RAB3IL1: variants seen among roughly 807,000 people sequenced by gnomAD.
RAB3IL1 encodes guanine nucleotide exchange factor for Rab-3A.
Under a neutral mutation model 49.2 loss-of-function variants are expected in RAB3IL1, and 37 were observed. That is an observed-to-expected ratio of 0.75 (90% confidence interval 0.58 to 0.99). The LOEUF (loss-of-function observed/expected upper bound fraction) is 0.99. Among genes scored for constraint, RAB3IL1 ranks in the 50% least tolerant of loss-of-function variants. The pLI is 0.00. For synonymous variants in RAB3IL1, 193 were observed against 213.9 expected (o/e 0.90, Z 0.85); for missense variants, 484 against 513.0 (o/e 0.94, Z 0.55).
At chr11:61,929,551 T>C in the RAB3IL1 span, among the ~76,000 whole-genome samples, 1 of 151,234 alleles carries the variant, frequency 6.6e-6, no homozygotes, top group Non-Finnish European at 1.5e-5. Context: ...GATCTGAACA[T>C]GAATAAACAA....
chr11:61,936,028 T>C, the RAB3IL1 span, among the ~76,000 whole-genome samples: 1 of 149,698 alleles, frequency 6.7e-6, no homozygotes, highest in Non-Finnish European at 1.5e-5. Context: ...GAAATAAAAA[T>C]TCGCTAGAGG....
intron 9 of RAB3IL1, chr11:61,899,066 A>G: frequency 1.8e-6 from 1 of 570,404 alleles, no homozygotes. Context: ...AGAGATTCAC[A>G]GGGGTGGCCC....
the RAB3IL1 span, among the ~76,000 whole-genome samples, chr11:61,944,220 C>T: frequency 0.094 from 3,442 of 36,588 alleles, 142 homozygotes; most frequent in African/African-American, 0.16. Flanking sequence ...CCTTCCTTCC[C>T]TCCTTCCTTC....
upstream of RAB3IL1, among the ~76,000 whole-genome samples, chr11:61,921,870 C>T (rs137930046): frequency 1.4e-4 from 21 of 152,274 alleles, no homozygotes; most frequent in East Asian, 3.5e-3. Flanking sequence ...AAGTTCTCCC[C>T]TGTGAAATAG....
chr11:61,931,181 T>C, the RAB3IL1 span, among the ~76,000 whole-genome samples: 10 of 152,214 alleles, frequency 6.6e-5, no homozygotes, highest in African/African-American at 2.4e-4. Flanking sequence ...CAACTGCCCC[T>C]TTCTTAGTCT....
upstream of RAB3IL1, among the ~76,000 whole-genome samples, chr11:61,917,875 A>G (rs1487320671): frequency 6.6e-6 from 1 of 151,804 alleles, no homozygotes; most frequent in South Asian, 2.1e-4. Context: ...TTGTCACTTA[A>G]GGCCAGCAGA....
rs1939166778 is a variant in RAB3IL1 at position 61,906,069 on chromosome 11, G to GT, written c.657+396dup. On this transcript the variant is annotated intron_variant, in intron 5 of 9. Transcript: ENST00000394836. The surrounding 1 kb of genome is among the most constrained non-coding windows in gnomAD (Gnocchi z 4.6). Reference sequence around the variant, plus strand: ...CCAGGTGGTCCTGGGGCTCGAGGCTGTGGCCACACGGGGTCCAGGCAGCCT... The same window carrying GT: ...CCAGGTGGTCCTGGGGCTCGAGGCTGTTGGCCACACGGGGTCCAGGCAGCCT... 6.6e-6 allele frequency among the ~76,000 whole-genome samples: 1 copy of GT among 152,116 alleles called. No homozygotes were observed. Among genetic ancestry groups the GT allele is most frequent in the African/African-American group, 2.4e-5 (1 of 41,416 alleles).
At chr11:61,901,566 T>C (rs906226526) in intron 8 of RAB3IL1, among the ~76,000 whole-genome samples, 5 of 152,242 alleles carry the variant, frequency 3.3e-5, no homozygotes, top group Non-Finnish European at 7.3e-5. Flanking sequence ...TCCCATGACA[T>C]TTCATACATA....
At position 61,906,393 on chromosome 11, in the gene RAB3IL1, A is replaced by G; in HGVS notation, c.657+73T>C. On this transcript the variant is annotated intron_variant, in intron 5 of 9. Coordinates refer to ENST00000394836, the MANE Select transcript of RAB3IL1 (RefSeq NM_013401.4). This position sits in a 1 kb window ranked among gnomAD's most constrained non-coding sequence, Gnocchi z 4.6. Reference sequence around the variant, plus strand: ...CACAGCATGGGGCAGGCTGGTCCTCACTGGGCTCGGACCCTGCCTACCGCA... The same window carrying G: ...CACAGCATGGGGCAGGCTGGTCCTCGCTGGGCTCGGACCCTGCCTACCGCA... The G allele has an allele frequency of 7.3e-7, 1 of 1,366,076 alleles. No individual in the cohort carries two copies. Among genetic ancestry groups the G allele is most frequent in the South Asian group, 1.3e-5 (1 of 79,946 alleles). The allele number at this position is 1,366,076 out of a possible 1,614,324, so 84.6% of individuals were successfully genotyped here.
At chr11:61,941,482 G>A in the RAB3IL1 span, among the ~76,000 whole-genome samples, 1 of 152,228 alleles carries the variant, frequency 6.6e-6, no homozygotes, top group African/African-American at 2.4e-5. Flanking sequence ...GCTGGGCGTG[G>A]TGGCTCACGC....
the RAB3IL1 span, among the ~76,000 whole-genome samples, chr11:61,927,134 G>A: frequency 1.3e-5 from 2 of 152,154 alleles, no homozygotes; most frequent in African/African-American, 2.4e-5. Context: ...ATGAGCCAAC[G>A]CACCCAGCCA....
rs762845154 is a variant in RAB3IL1, at chr11:61,904,670, C to A, written c.787-12G>T. The A allele has an allele frequency of 1.7e-5, 27 of 1,606,120 alleles. No individual in the cohort carries two copies. In the South Asian group the frequency reaches 3.0e-4, roughly 18 times the overall value. The stretch of plus-strand genomic sequence containing the variant: ...ACCAGCACCGAGAGCTGTGGCAGAC[C>A]AGGGAGGCAGGCAGGGTGGTAAGGG... On this transcript the variant is annotated splice_polypyrimidine_tract_variant and intron_variant, in intron 6 of 9. Coordinates refer to ENST00000394836, the MANE Select transcript of RAB3IL1 (RefSeq NM_013401.4).
At chr11:61,904,912 C>T (rs368850397) in intron 5 of RAB3IL1, 30 bp from the exon 6 acceptor site, 18 of 1,525,896 alleles carry the variant, frequency 1.2e-5, no homozygotes, top group East Asian at 1.1e-4. Context: ...AGGGTGGGGG[C>T]GGTCAGGGTA....
intron 1 of RAB3IL1, 96 bp downstream of exon 1, chr11:61,917,261 C>A: frequency 7.6e-7 from 1 of 1,319,762 alleles, no homozygotes; most frequent in Non-Finnish European, 9.7e-7. Flanking sequence ...CTCCGGGTGG[C>A]GGCGCAGACC....
the RAB3IL1 span, among the ~76,000 whole-genome samples, chr11:61,926,156 G>A: frequency 1.4e-5 from 2 of 139,466 alleles, no homozygotes; most frequent in South Asian, 2.3e-4. Context: ...ATAACTTGGC[G>A]AAAATATTCC....
chr11:61,928,835 C>T, the RAB3IL1 span, among the ~76,000 whole-genome samples: 1 of 152,148 alleles, frequency 6.6e-6, no homozygotes, highest in African/African-American at 2.4e-5. Flanking sequence ...TCAGAGATCA[C>T]CAGCACATAA....
intron 8 of RAB3IL1, among the ~76,000 whole-genome samples, chr11:61,900,770 AC>A (rs1467790305): frequency 6.6e-6 from 1 of 152,072 alleles, no homozygotes; most frequent in Non-Finnish European, 1.5e-5. Flanking sequence ...CTCATCTCCC[AC>A]CCCCAGCTTC....
rs771845137 is a variant in RAB3IL1 at position 61,907,377 on chromosome 11, C to G, written c.438+16G>C. ...GGGTGCCTGGGCTGGCCTGGGCAGG[C>G]GGGGATGGGCCTCACCTTGCCCCGA... On this transcript the variant is annotated intron_variant, in intron 4 of 9. Transcript: ENST00000394836. The G allele has an allele frequency of 6.2e-7, 1 of 1,611,820 alleles. No individual in the cohort carries two copies. Among genetic ancestry groups the G allele is most frequent in the Admixed American group, 1.7e-5 (1 of 59,958 alleles).
rs1939164755 is a variant in RAB3IL1 at position 61,906,039 on chromosome 11, T to C, written c.657+427A>G. On this transcript the variant is annotated intron_variant, in intron 5 of 9. Coordinates refer to ENST00000394836, the MANE Select transcript of RAB3IL1 (RefSeq NM_013401.4). The surrounding 1 kb of genome is among the most constrained non-coding windows in gnomAD (Gnocchi z 4.6). ...GCCAGAAACCCCTTGAGCACAGGGC[T>C]GTCACCAGGTGGTCCTGGGGCTCGA... Among the ~76,000 whole-genome samples, 1 of 152,166 alleles carries C rather than the reference T, an allele frequency of 6.6e-6. No individual in the cohort carries two copies.
Sources: allele counts gnomAD v4.1 joint callset (sites outside exome capture counted in the v4.1 genomes callset), GRCh38; gene constraint gnomAD v4.1.1; non-coding constraint Gnocchi (gnomAD v3.1); transcripts MANE v1.5; gene names NCBI Gene and HGNC (gene_info 2026-07-23, HGNC 2026-07-21).